NEURL1B: variants seen among roughly 807,000 people sequenced by gnomAD.
NEURL1B encodes the protein E3 ubiquitin-protein ligase NEURL1B.
A neutral mutation model predicts 37.4 loss-of-function variants in NEURL1B; 13 were observed. The observed-to-expected ratio is 0.35, with a 90% CI of 0.23 to 0.55. The LOEUF is 0.55. Ranked by LOEUF, NEURL1B falls within the 20% of genes least tolerant of loss-of-function variation. The pLI is 0.89. For synonymous variants in NEURL1B, 432 were observed against 426.6 expected, an observed-to-expected ratio of 1.01 and a Z score of -0.16; for missense variants, 790 against 879.2, an observed-to-expected ratio of 0.90 and a Z score of 1.28.
Position 172,686,796 on chromosome 5 carries a change from G to T in NEURL1B, c.1539G>T (p.Thr513=), listed in dbSNP as rs764582826. Residue 513 remains threonine, a synonymous_variant, in exon 5 of 5, where the codon ACG becomes ACT. Transcript: ENST00000369800. The surrounding 1 kb of genome is among the most constrained non-coding windows in gnomAD (Gnocchi z 7.9). ...TGTGCTTCGATGGCGAGGTGGACACGGTCATCTACACGTGTGGACACATGT... is the reference window on the plus strand; with the variant it reads ...TGTGCTTCGATGGCGAGGTGGACACTGTCATCTACACGTGTGGACACATGT... ...CTVCFDGEVD[T]VIYTCGHMCL... 2 of 1,551,782 alleles carry T rather than the reference G, an allele frequency of 1.3e-6. No homozygotes were observed. Among genetic ancestry groups the T allele is most frequent in the East Asian group, 4.9e-5 (2 of 40,904 alleles).
At chr5:172,679,785 G>C (rs561139174) in intron 2 of NEURL1B, among the ~76,000 whole-genome samples, 1 of 152,140 alleles carries the variant, frequency 6.6e-6, no homozygotes, top group Non-Finnish European at 1.5e-5. Context: ...GAACCTGCCC[G>C]GCCACAGATC....
rs1758528862 is a variant in NEURL1B at position 172,687,331 on chromosome 5, A to G, written c.*406A>G. The G allele has an allele frequency of 5.8e-6, 1 of 171,958 alleles. No individual in the cohort carries two copies. The highest frequency in any genetic ancestry group is 2.4e-5 in the African/African-American group (1 of 42,210). 10.7% of individuals were successfully genotyped at this position (171,958 alleles called of 1,614,324 possible). On this transcript the variant is annotated 3_prime_UTR_variant, in exon 5 of 5. Transcript: ENST00000369800. ...AGAGAGAGAGAATGAACGTGTAGCGATTTTACCAGGGGTCCCGGCTCCGGG... is the reference window on the plus strand; with the variant it reads ...AGAGAGAGAGAATGAACGTGTAGCGGTTTTACCAGGGGTCCCGGCTCCGGG...
chr5:172,672,538 T>TCCCCC (rs1391154491), intron 2 of NEURL1B, among the ~76,000 whole-genome samples: 1 of 65,480 alleles, frequency 1.5e-5, no homozygotes, highest in Admixed American at 1.6e-4. Context: ...TGAGGTGAAC[T>TCCCCC]CTCCCCCCCC....
rs1757904562 is a variant in NEURL1B at position 172,661,679 on chromosome 5, G to C, written c.32-8106G>C. Among the ~76,000 whole-genome samples the C allele has an allele frequency of 6.6e-6, 1 of 152,268 alleles. No homozygotes were observed. The highest frequency in any genetic ancestry group is 1.5e-5 in the Non-Finnish European group (1 of 68,046). On this transcript the variant is annotated intron_variant, in intron 1 of 4. Transcript: ENST00000369800. The surrounding 1 kb of genome is among the most constrained non-coding windows in gnomAD (Gnocchi z 4.0). ...CCATTTGGCAATTCCCTTTCCTGGT[G>C]GAGAGGAATCTGCTGAAAACCTCAG...
intron 1 of NEURL1B, among the ~76,000 whole-genome samples, chr5:172,662,569 G>A (rs187493916): frequency 6.6e-6 from 1 of 152,290 alleles, no homozygotes; most frequent in Admixed American, 6.5e-5. Context: ...TGAGACAGGG[G>A]TCTAAGGTCA....
chr5:172,658,724 C>A (rs1040552398), intron 1 of NEURL1B, among the ~76,000 whole-genome samples: 1 of 152,104 alleles, frequency 6.6e-6, no homozygotes, highest in Non-Finnish European at 1.5e-5. Flanking sequence ...CTCTCAGAGC[C>A]GCCCTCCTCC....
rs1757999430 is a variant in NEURL1B at position 172,665,798 on chromosome 5, A to G, written c.32-3987A>G. 6.7e-6 allele frequency among the ~76,000 whole-genome samples: 1 copy of G among 150,028 alleles called. No homozygotes were observed. Among genetic ancestry groups the G allele is most frequent in the East Asian group, 2.0e-4 (1 of 5,062 alleles). Reference sequence around the variant, plus strand: ...GGGCATCCCACTATTCCCAGCCCCTAACTGAGTCCAGGGCCTCCTCCAGGC... The same window carrying G: ...GGGCATCCCACTATTCCCAGCCCCTGACTGAGTCCAGGGCCTCCTCCAGGC... On this transcript the variant is annotated intron_variant, in intron 1 of 4. Transcript: ENST00000369800. The surrounding 1 kb of genome is among the most constrained non-coding windows in gnomAD (Gnocchi z 4.1).
At chr5:172,655,014 TTC>T (rs1757739817) in intron 1 of NEURL1B, among the ~76,000 whole-genome samples, 1 of 152,080 alleles carries the variant, frequency 6.6e-6, no homozygotes, top group Non-Finnish European at 1.5e-5. Context: ...CTCTCTCTTT[TTC>T]TCTCCTCTCT....
intron 1 of NEURL1B, among the ~76,000 whole-genome samples, chr5:172,650,886 C>T (rs146198292): frequency 0.051 from 7,775 of 152,068 alleles, 407 homozygotes; most frequent in African/African-American, 0.13. Flanking sequence ...AGTGCTTTGG[C>T]GGGAGTCAGG....
intron 2 of NEURL1B, among the ~76,000 whole-genome samples, chr5:172,673,075 G>A (rs975393060): frequency 1.3e-5 from 2 of 152,128 alleles, no homozygotes; most frequent in Non-Finnish European, 2.9e-5. Flanking sequence ...GGATACATCT[G>A]GGTAAAGGGA....
chr5:172,684,233 C>T, intron 3 of NEURL1B, 95 bp downstream of exon 3: 1 of 1,042,178 alleles, frequency 9.6e-7, no homozygotes, highest in Non-Finnish European at 1.2e-6. Flanking sequence ...GCCCCTCTCG[C>T]TAGGCGCTGC....
chr5:172,660,260 T>A (rs1001679769), intron 1 of NEURL1B, among the ~76,000 whole-genome samples: 1 of 152,114 alleles, frequency 6.6e-6, no homozygotes, highest in African/African-American at 2.4e-5. Context: ...CGGAGTCAGC[T>A]TGGGAATCCC....
chr5:172,669,078 T>C (rs1758070366), intron 1 of NEURL1B, among the ~76,000 whole-genome samples: 2 of 152,198 alleles, frequency 1.3e-5, no homozygotes, highest in African/African-American at 4.8e-5. Flanking sequence ...TAATATCATA[T>C]TATTAATGAC....
At chr5:172,667,459 A>G (rs574876742) in intron 1 of NEURL1B, among the ~76,000 whole-genome samples, 109 of 150,636 alleles carry the variant, frequency 7.2e-4, no homozygotes, top group African/African-American at 2.6e-3. Flanking sequence ...AAAAAAAAGA[A>G]AAGATCCAAA....
chr5:172,684,023 G>A lies in NEURL1B; in HGVS notation c.1182G>A (p.Val394=), dbSNP rs1381712008. 25 of 1,338,564 alleles carry A rather than the reference G, an allele frequency of 1.9e-5. No homozygotes were observed. The highest frequency in any genetic ancestry group is 2.4e-5 in the Non-Finnish European group (25 of 1,041,996). 82.9% of individuals were successfully genotyped at this position (1,338,564 alleles called of 1,614,324 possible). A position where few individuals can be genotyped will look rare whatever the true frequency, so the allele number is the denominator to read the frequency against. The change falls in exon 3 of 5, where the codon GTG becomes GTA. Residue 394 remains valine, a synonymous_variant. Coordinates refer to ENST00000369800, the MANE Select transcript of NEURL1B (RefSeq NM_001142651.3). ...LSFTLRPGGD[V]LLGINGRPRG... is the part of the protein sequence containing the mutation. ...TCACGCTGCGGCCCGGCGGCGACGT[G>A]CTCCTGGGCATCAACGGGCGTCCGC...
chr5:172,663,510 G>A (rs1397676119), intron 1 of NEURL1B, among the ~76,000 whole-genome samples: 2 of 120,086 alleles, frequency 1.7e-5, no homozygotes, highest in African/African-American at 7.2e-5. Flanking sequence ...GACAGAGGAA[G>A]ACTCCATCTC....
Position 172,688,316 on chromosome 5 carries a change from T to C in NEURL1B, c.*1391T>C, listed in dbSNP as rs1421316857. On this transcript the variant is annotated 3_prime_UTR_variant, in exon 5 of 5. Transcript: ENST00000369800. The surrounding 1 kb of genome is among the most constrained non-coding windows in gnomAD (Gnocchi z 4.3). ...AATTAGAAGTCTAGAACCTGACAAC[T>C]CCAGGAGTTCTTGGGAGGACCAGTA... 6.5e-6 allele frequency: 1 copy of C among 152,754 alleles called. No individual in the cohort carries two copies. Among genetic ancestry groups the C allele is most frequent in the Non-Finnish European group, 1.5e-5 (1 of 68,102 alleles). The allele number at this position is 152,754 out of a possible 1,614,324, so 9.5% of individuals were successfully genotyped here. A position where few individuals can be genotyped will look rare whatever the true frequency, so the allele number is the denominator to read the frequency against.
Position 172,687,115 on chromosome 5 carries a change from T to A in NEURL1B, c.*190T>A. 1 of 662,082 alleles carries A rather than the reference T, an allele frequency of 1.5e-6. No homozygotes were observed. Among genetic ancestry groups the A allele is most frequent in the Non-Finnish European group, 2.5e-6 (1 of 401,140 alleles). The allele number at this position is 662,082 out of a possible 1,614,324, so 41.0% of individuals were successfully genotyped here. On this transcript the variant is annotated 3_prime_UTR_variant, in exon 5 of 5. Transcript: ENST00000369800. ...GCAGGGGTTGCTTCTGGCTCCAAAG[T>A]GCTTTGCCCCCAAAAGGCCGTCCCA... is the stretch of plus-strand genomic sequence containing the variant.
At position 172,669,837 on chromosome 5, in the gene NEURL1B, C is replaced by T. The variant is rs1242341406; in HGVS notation, c.84C>T (p.Gly28=). ...CCACCCGGCCGTGCTGCGGCCCCGG[C>T]CCCGAGCGACGCCCGGTCCTGGGCG... ...LLATRPCCGP[G]PERRPVLGEA... The change falls in exon 2 of 5, where the codon GGC becomes GGT. Residue 28 remains glycine, a synonymous_variant. Coordinates refer to ENST00000369800, the MANE Select transcript of NEURL1B (RefSeq NM_001142651.3). 3 of 1,350,032 alleles carry T rather than the reference C, an allele frequency of 2.2e-6. No homozygotes were observed. Among genetic ancestry groups the T allele is most frequent in the African/African-American group, 1.6e-5 (1 of 64,112 alleles). The allele number at this position is 1,350,032 out of a possible 1,614,324, so 83.6% of individuals were successfully genotyped here.
Sources: gnomAD v4.1 joint callset for allele counts (sites outside exome capture counted in the v4.1 genomes callset) on GRCh38, gnomAD v4.1.1 for gene constraint, Gnocchi (gnomAD v3.1) non-coding constraint, MANE v1.5 for transcripts, NCBI Gene and HGNC (gene_info 2026-07-23, HGNC 2026-07-21) for gene names.